Variants in R3HDM1 observed in about 807,000 individuals in gnomAD.
R3HDM1 encodes the protein R3H domain-containing protein 1.
In R3HDM1, 46 loss-of-function variants were observed where a neutral mutation model predicts 141.1. The ratio of observed to expected loss-of-function variants is 0.33; its 90% CI spans 0.26 to 0.42. The LOEUF is 0.42. R3HDM1 is among the 10% of genes least tolerant of loss of function. The probability of loss-of-function intolerance (pLI) is 1.00; values close to 1 mark genes in which losing one functional copy is unlikely to be tolerated. For missense variants in R3HDM1, 1,184 were observed against 1,368.3 expected (o/e 0.87, Z 2.12); for synonymous variants, 435 against 472.9 (o/e 0.92, Z 1.04).
chr2:135,654,621 G>A (rs1406742281), intron 18 of R3HDM1, among the ~76,000 whole-genome samples: 1 of 151,994 alleles, frequency 6.6e-6, no homozygotes, highest in Non-Finnish European at 1.5e-5. Flanking sequence ...ACTAATTTTT[G>A]TATTTTTAGT....
chr2:135,631,441 T>G (rs2062706233), intron 7 of R3HDM1, among the ~76,000 whole-genome samples: 2 of 152,100 alleles, frequency 1.3e-5, no homozygotes, highest in South Asian at 4.1e-4. Flanking sequence ...TAGCCACATG[T>G]TGATTATTGT....
intron 1 of R3HDM1, among the ~76,000 whole-genome samples, chr2:135,578,431 A>G (rs535836011): frequency 3.3e-5 from 5 of 152,336 alleles, no homozygotes; most frequent in Middle Eastern, 3.4e-3. Flanking sequence ...TAGTAGGGAT[A>G]GGGAGCAGCA....
intron 1 of R3HDM1, chr2:135,566,764 C>T (rs1460520089): frequency 1.0e-6 from 1 of 985,204 alleles, no homozygotes; most frequent in Non-Finnish European, 1.2e-6. Flanking sequence ...ACTGTAAGCC[C>T]AGCGCGGTGG....
intron 1 of R3HDM1, among the ~76,000 whole-genome samples, chr2:135,537,277 C>CTTTTTT (rs1036767352): frequency 4.7e-5 from 4 of 84,454 alleles, no homozygotes; most frequent in Non-Finnish European, 6.5e-5. Flanking sequence ...ATTAGTCTGT[C>CTTTTTT]TTTTTTTTTT....
chr2:135,573,413 C>T (rs1349880958), intron 1 of R3HDM1, among the ~76,000 whole-genome samples: 6 of 152,168 alleles, frequency 3.9e-5, no homozygotes, highest in African/African-American at 1.4e-4. Flanking sequence ...TCAGCTCCTG[C>T]CTGCCGCAAG....
chr2:135,699,054 A>T (rs62168834), intron 21 of R3HDM1, among the ~76,000 whole-genome samples: 989 of 93,550 alleles, frequency 0.011, 22 homozygotes, highest in East Asian at 0.029. Context: ...TAAGATAGAT[A>T]AGATAGATTG....
At chr2:135,678,091 A>G (rs1322422434) in intron 20 of R3HDM1, among the ~76,000 whole-genome samples, 1 of 151,946 alleles carries the variant, frequency 6.6e-6, no homozygotes, top group Non-Finnish European at 1.5e-5. Context: ...CAGCCTCCCT[A>G]GTAGCTGGGA....
intron 19 of R3HDM1, among the ~76,000 whole-genome samples, chr2:135,662,763 A>C (rs891379449): frequency 6.6e-6 from 1 of 152,186 alleles, no homozygotes; most frequent in African/African-American, 2.4e-5. Context: ...CATTAGCTTT[A>C]TATACACTGG....
chr2:135,616,598 T>C lies in R3HDM1; in HGVS notation c.214-70T>C, dbSNP rs946563922. 6.2e-6 allele frequency: 8 copies of C among 1,287,322 alleles called. No homozygotes were observed. The Admixed American group carries it at 1.4e-4, about 22-fold the overall frequency. 79.7% of individuals were successfully genotyped at this position (1,287,322 alleles called of 1,614,324 possible). ...AAACTATAAAGAAACTTAGAAACTC[T>C]TTCTAGGGGGCTTTTGGATATGCCC... On this transcript the variant is annotated intron_variant, in intron 4 of 26. Coordinates refer to ENST00000683871, the MANE Select transcript of R3HDM1 (RefSeq NM_001378107.1).
intron 1 of R3HDM1, chr2:135,581,340 C>A (rs1706755300): frequency 1.0e-6 from 1 of 985,144 alleles, no homozygotes; most frequent in African/African-American, 1.7e-5. Flanking sequence ...ATTCCAATTC[C>A]ATTTCCCACC....
chr2:135,620,470 A>G (rs2061426042), intron 5 of R3HDM1: 5 of 972,392 alleles, frequency 5.1e-6, no homozygotes, highest in Non-Finnish European at 6.1e-6. Context: ...TTGTCATCCT[A>G]GTAAAAACTG....
rs547814639 is a variant in R3HDM1, at chr2:135,585,205, T to C, written c.-249-17295T>C. On this transcript the variant is annotated intron_variant, in intron 1 of 26. Coordinates refer to ENST00000683871, the MANE Select transcript of R3HDM1 (RefSeq NM_001378107.1). ...GGAAGATTTTGTGGATTTCTATGTA[T>C]TTTTAACAATCTACTTCTAGGGCCG... is the stretch of plus-strand genomic sequence containing the variant. 7.2e-5 allele frequency among the ~76,000 whole-genome samples: 11 copies of C among 152,352 alleles called. No homozygotes were observed. The East Asian group carries it at 2.1e-3, about 29-fold the overall frequency.
intron 3 of R3HDM1, among the ~76,000 whole-genome samples, chr2:135,609,667 TG>T (rs2060360366): frequency 6.6e-6 from 1 of 152,222 alleles, no homozygotes; most frequent in Admixed American, 6.5e-5. Context: ...GGGGAGTATT[TG>T]CTTTGATTTC....
chr2:135,696,752 A>G (rs145724613), intron 21 of R3HDM1, among the ~76,000 whole-genome samples: 371 of 152,294 alleles, frequency 2.4e-3, no homozygotes, highest in African/African-American at 7.8e-3. Context: ...CAGTCTCCCA[A>G]ACTGCTGGGT....
intron 3 of R3HDM1, among the ~76,000 whole-genome samples, chr2:135,613,142 A>G (rs2060695363): frequency 6.6e-6 from 1 of 152,228 alleles, no homozygotes; most frequent in Admixed American, 6.5e-5. Flanking sequence ...TTGTCCGCTT[A>G]GGGTTCTATG....
At chr2:135,553,390 TG>T (rs1700162229) in intron 1 of R3HDM1, among the ~76,000 whole-genome samples, 1 of 152,030 alleles carries the variant, frequency 6.6e-6, no homozygotes, top group South Asian at 2.1e-4. Flanking sequence ...CAAACAGCAG[TG>T]ATTTGTACAA....
intron 20 of R3HDM1, among the ~76,000 whole-genome samples, chr2:135,676,308 C>G (rs576062705): frequency 6.6e-6 from 1 of 152,076 alleles, no homozygotes; most frequent in East Asian, 1.9e-4. Flanking sequence ...CAGGCAGACT[C>G]CATCTCAAAA....
At chr2:135,638,532 G>T (rs2105238542) in intron 11 of R3HDM1, 86 bp from the exon 12 acceptor site, 2 of 1,328,452 alleles carry the variant, frequency 1.5e-6, no homozygotes, top group South Asian at 2.5e-5. Flanking sequence ...TATTACACAT[G>T]ATTTTTGTTG....
chr2:135,697,558 C>T (rs2073441565), intron 21 of R3HDM1, among the ~76,000 whole-genome samples: 1 of 152,148 alleles, frequency 6.6e-6, no homozygotes, highest in South Asian at 2.1e-4. Flanking sequence ...ATTTCAGACA[C>T]TACTATACAA....
Sources: gnomAD v4.1 joint callset for allele counts (sites outside exome capture counted in the v4.1 genomes callset) on GRCh38, gnomAD v4.1.1 for gene constraint, MANE v1.5 for transcripts, NCBI Gene and HGNC (gene_info 2026-07-23, HGNC 2026-07-21) for gene names.